BMPR1B: variants seen among roughly 807,000 people sequenced by gnomAD.
The protein encoded by BMPR1B is bone morphogenetic protein receptor type 1B.
Under a neutral mutation model 59.1 loss-of-function variants are expected in BMPR1B, and 12 were observed. That is an observed-to-expected ratio of 0.20 (90% CI 0.13 to 0.33). BMPR1B has a LOEUF of 0.33. Ranked by LOEUF, BMPR1B falls within the 10% of genes least tolerant of loss-of-function variation. The pLI, the probability that BMPR1B is intolerant of heterozygous loss-of-function variation, is 1.00. For missense variants in BMPR1B, 550 were observed against 610.9 expected, an observed-to-expected ratio of 0.90 and a Z score of 1.05; for synonymous variants, 237 against 207.3, an observed-to-expected ratio of 1.14 and a Z score of -1.23.
At chr4:95,025,912 A>G (rs941631288) in intron 3 of BMPR1B, among the ~76,000 whole-genome samples, 3 of 152,214 alleles carry the variant, frequency 2.0e-5, no homozygotes, top group African/African-American at 7.2e-5. Flanking sequence ...GCTTTAAGAC[A>G]GCACATGTAA....
At chr4:95,091,694 C>T in intron 3 of BMPR1B, 3 of 968,906 alleles carry the variant, frequency 3.1e-6, no homozygotes, top group Non-Finnish European at 2.5e-6. Context: ...AAAATGTAAG[C>T]AAGATGAGTA....
chr4:95,099,627 C>T (rs1046721455), intron 3 of BMPR1B, among the ~76,000 whole-genome samples: 10 of 152,128 alleles, frequency 6.6e-5, no homozygotes, highest in African/African-American at 2.2e-4. Flanking sequence ...CGCACACACA[C>T]GTTACAGTAG....
intron 1 of BMPR1B, among the ~76,000 whole-genome samples, chr4:94,873,390 A>G (rs1019207499): frequency 6.7e-6 from 1 of 148,436 alleles, no homozygotes; most frequent in African/African-American, 2.5e-5. Context: ...AATCTTACCC[A>G]TACTTCAAGG....
chr4:95,103,912 A>G (rs1000912432), intron 3 of BMPR1B, among the ~76,000 whole-genome samples: 1 of 151,940 alleles, frequency 6.6e-6, no homozygotes, highest in African/African-American at 2.4e-5. Flanking sequence ...AGTACATAAT[A>G]TACATAATAG....
chr4:94,834,125 G>A (rs1172005503), intron 1 of BMPR1B, among the ~76,000 whole-genome samples: 1 of 152,108 alleles, frequency 6.6e-6, no homozygotes, highest in Non-Finnish European at 1.5e-5. Flanking sequence ...TATACCTGAG[G>A]ACTTACATAT....
chr4:95,045,585 C>T (rs1725990039), intron 3 of BMPR1B, among the ~76,000 whole-genome samples: 2 of 152,196 alleles, frequency 1.3e-5, no homozygotes, highest in Non-Finnish European at 2.9e-5. Context: ...GCCTTCCCTT[C>T]ACCCAGTGAA....
chr4:95,009,818 A>G (rs1317093630), intron 3 of BMPR1B, among the ~76,000 whole-genome samples: 3 of 152,174 alleles, frequency 2.0e-5, no homozygotes, highest in African/African-American at 7.2e-5. Flanking sequence ...GTAACAAATT[A>G]GTTAACTTCT....
intron 1 of BMPR1B, among the ~76,000 whole-genome samples, chr4:94,821,751 T>C (rs547332218): frequency 2.6e-5 from 4 of 152,356 alleles, no homozygotes; most frequent in Non-Finnish European, 5.9e-5. Flanking sequence ...ATAAGGCTTA[T>C]AAATGCTTTC....
At chr4:94,930,457 GC>G (rs1267580608) in intron 2 of BMPR1B, among the ~76,000 whole-genome samples, 1 of 152,020 alleles carries the variant, frequency 6.6e-6, no homozygotes, top group African/African-American at 2.4e-5. Flanking sequence ...ACACTGTATT[GC>G]AATCATTTGC....
intron 2 of BMPR1B, among the ~76,000 whole-genome samples, chr4:94,932,444 A>C (rs943491193): frequency 4.6e-5 from 7 of 152,198 alleles, no homozygotes; most frequent in Non-Finnish European, 2.9e-5. Flanking sequence ...ACTTTAAAAA[A>C]GTTGGCAATG....
At chr4:95,083,356 A>C (rs73838022) in intron 3 of BMPR1B, among the ~76,000 whole-genome samples, 6,506 of 152,232 alleles carry the variant, frequency 0.043, 471 homozygotes, top group African/African-American at 0.15. Context: ...GATCATGGTA[A>C]GTACCATAAT....
At chr4:95,042,748 T>A (rs1725747171) in intron 3 of BMPR1B, among the ~76,000 whole-genome samples, 1 of 152,174 alleles carries the variant, frequency 6.6e-6, no homozygotes, top group South Asian at 2.1e-4. Context: ...TATCTGGAAA[T>A]AACTACACTC....
chr4:95,111,344 A>T (rs1214450685), intron 4 of BMPR1B, among the ~76,000 whole-genome samples: 1 of 152,112 alleles, frequency 6.6e-6, no homozygotes, highest in Non-Finnish European at 1.5e-5. Flanking sequence ...TATATGAACA[A>T]CCCTGGGGTT....
intron 2 of BMPR1B, among the ~76,000 whole-genome samples, chr4:94,950,875 A>G (rs899000174): frequency 6.6e-6 from 1 of 151,520 alleles, no homozygotes; most frequent in African/African-American, 2.4e-5. Flanking sequence ...ATAAATTGGT[A>G]TGGCCATTTT....
At chr4:94,890,349 A>G (rs1020564284) in intron 2 of BMPR1B, among the ~76,000 whole-genome samples, 1 of 152,126 alleles carries the variant, frequency 6.6e-6, no homozygotes, top group African/African-American at 2.4e-5. Context: ...TACTTGTTAA[A>G]TAAATGTAAA....
chr4:94,783,335 TA>T (rs1242289759), intron 1 of BMPR1B, among the ~76,000 whole-genome samples: 1 of 152,220 alleles, frequency 6.6e-6, no homozygotes, highest in Non-Finnish European at 1.5e-5. Flanking sequence ...TTCTCTATGG[TA>T]AACTATCTGG....
chr4:95,140,357 C>A (rs578043158), intron 10 of BMPR1B, among the ~76,000 whole-genome samples: 1 of 152,168 alleles, frequency 6.6e-6, no homozygotes, highest in Non-Finnish European at 1.5e-5. Context: ...ACATTCTGGA[C>A]GAAATCCCCC....
chr4:94,793,286 T>A (rs555333970), intron 1 of BMPR1B, among the ~76,000 whole-genome samples: 18 of 152,124 alleles, frequency 1.2e-4, no homozygotes, highest in Admixed American at 4.6e-4. Flanking sequence ...TTTGTTCTTG[T>A]GATAGTTTAC....
chr4:94,846,992 GT>G (rs1725361805), intron 1 of BMPR1B, among the ~76,000 whole-genome samples: 1 of 152,062 alleles, frequency 6.6e-6, no homozygotes, highest in African/African-American at 2.4e-5. Flanking sequence ...GTAAAAGAAA[GT>G]CAACAAAGTG....
Sources: gnomAD v4.1 joint callset for allele counts (sites outside exome capture counted in the v4.1 genomes callset) on GRCh38, gnomAD v4.1.1 for gene constraint, MANE v1.5 for transcripts, NCBI Gene and HGNC (gene_info 2026-07-23, HGNC 2026-07-21) for gene names.